Variants in DOCK10 observed in about 807,000 individuals in gnomAD.
DOCK10 encodes the protein dedicator of cytokinesis protein 10.
In DOCK10, 145 loss-of-function variants were observed where a neutral mutation model predicts 280.1. That is an observed-to-expected ratio of 0.52 (90% CI 0.45 to 0.59). The LOEUF (loss-of-function observed/expected upper bound fraction) is 0.59, where lower values mean the gene tolerates loss of function less well. DOCK10 is among the 20% of genes least tolerant of loss of function. The probability of loss-of-function intolerance (pLI) is 0.00; values close to 1 mark genes in which losing one functional copy is unlikely to be tolerated. For synonymous variants in DOCK10, 915 were observed against 942.2 expected (o/e 0.97, Z 0.53); for missense variants, 2,368 against 2,651.7 (o/e 0.89, Z 2.35).
At chr2:224,796,291 T>C in intron 44 of DOCK10, 25 bp downstream of exon 44, 1 of 1,426,032 alleles carries the variant, frequency 7.0e-7, no homozygotes, top group Non-Finnish European at 9.6e-7. Flanking sequence ...AATTCTGCAG[T>C]AAAAGCCCAC....
Position 224,765,648 on chromosome 2 carries a change from A to G in DOCK10, c.*73T>C. ...TGAAAACTTCAAATAAATTAAACCT[A>G]TCTTTCTCTTCCCCGAGATTAGCTG... On this transcript the variant is annotated 3_prime_UTR_variant, in exon 56 of 56. Transcript: ENST00000258390. 3 of 1,062,108 alleles carry G rather than the reference A, an allele frequency of 2.8e-6. No individual in the cohort carries two copies. Among genetic ancestry groups the G allele is most frequent in the Non-Finnish European group, 4.2e-6 (3 of 719,336 alleles). 65.8% of individuals were successfully genotyped at this position (1,062,108 alleles called of 1,614,324 possible).
intron 2 of DOCK10, among the ~76,000 whole-genome samples, chr2:224,930,570 T>C (rs1161848362): frequency 3.1e-5 from 3 of 95,880 alleles, no homozygotes; most frequent in African/African-American, 6.3e-5. Context: ...TGGAGGAAGG[T>C]GAAAAAAAAA....
At chr2:224,963,126 A>G (rs1001578623) in intron 1 of DOCK10, among the ~76,000 whole-genome samples, 14 of 152,086 alleles carry the variant, frequency 9.2e-5, no homozygotes, top group Admixed American at 5.2e-4. Flanking sequence ...CTAGTTTGCT[A>G]TGCTACCCAC....
intron 1 of DOCK10, among the ~76,000 whole-genome samples, chr2:224,945,030 G>A (rs1703316678): frequency 6.6e-6 from 1 of 152,102 alleles, no homozygotes; most frequent in African/African-American, 2.4e-5. Context: ...TCATTATATG[G>A]TGAGACTCTG....
At chr2:224,977,285 C>T (rs2126235318) in intron 1 of DOCK10, among the ~76,000 whole-genome samples, 1 of 152,104 alleles carries the variant, frequency 6.6e-6, no homozygotes, top group Middle Eastern at 3.4e-3. Context: ...TGAGTTGAGA[C>T]CTGTGAATCT....
intron 1 of DOCK10, among the ~76,000 whole-genome samples, chr2:225,014,838 A>T (rs1475976867): frequency 6.6e-6 from 1 of 152,092 alleles, no homozygotes; most frequent in Non-Finnish European, 1.5e-5. Context: ...ATTTCAGGGG[A>T]TCTAATTTTC....
chr2:224,856,955 A>G lies in DOCK10; in HGVS notation c.1713T>C (p.Asn571=), dbSNP rs751897473. 5.0e-6 allele frequency: 8 copies of G among 1,611,882 alleles called. No individual in the cohort carries two copies. In the East Asian group the frequency reaches 1.8e-4, roughly 36 times the overall value. Residue 571 remains asparagine (N), a synonymous_variant, in exon 15 of 56, where the codon AAT becomes AAC. Transcript: ENST00000258390. Reference sequence around the variant, plus strand: ...GTGAAAATCTTGAGTCTCTGTCCACATTTCCCTGGTTGTCCTTAAATACTG... The same window carrying G: ...GTGAAAATCTTGAGTCTCTGTCCACGTTTCCCTGGTTGTCCTTAAATACTG... The part of the protein sequence containing the change: ...VRSVFKDNQG[N]VDRDSRFSPL...
At chr2:224,943,347 GA>G (rs66619912) in intron 1 of DOCK10, among the ~76,000 whole-genome samples, 1 of 151,904 alleles carries the variant, frequency 6.6e-6, no homozygotes, top group Admixed American at 6.6e-5. Flanking sequence ...AATAGCATTT[GA>G]AAAAAACCCA....
chr2:224,864,912 G>A lies in DOCK10; in HGVS notation c.1433C>T (p.Pro478Leu), dbSNP rs1307696939. 2 of 1,613,786 alleles carry A rather than the reference G, an allele frequency of 1.2e-6. No individual in the cohort carries two copies. Among genetic ancestry groups the A allele is most frequent in the African/African-American group, 2.7e-5 (2 of 74,890 alleles). The change falls in exon 12 of 56, where the codon CCT (proline) becomes CTT (leucine). Residue 478 changes from proline (P) to leucine (L), a missense_variant. Around this residue, in one of 2 missense-constraint regions of DOCK10, gnomAD observed 1,209 missense variants for 1,250.9 expected, o/e 0.97. Transcript: ENST00000258390. ...TTCCTCTGGAAGTCCCTTGATGTGA[G>A]GTTCTTCTGATTGTCTTGGAGTGAT... is the stretch of plus-strand genomic sequence containing the variant. ...DTITPRQSEE[P>L]HIKGLPEEWL...
Position 224,794,941 on chromosome 2 carries a change from G to A in DOCK10, c.5092C>T (p.Leu1698=), listed in dbSNP as rs1233043059. Residue 1698 remains leucine, a synonymous_variant, in exon 45 of 56, where the codon CTA becomes TTA. Transcript: ENST00000258390. ...LANSYASTPE[L]RRTWLESMAK... is the part of the protein sequence containing the mutation. ...ATACTTTCCAGCCAGGTCCTGCGTAGTTCAGGAGTGCTTGCGTAGGAGTTT... is the reference window on the plus strand; with the variant it reads ...ATACTTTCCAGCCAGGTCCTGCGTAATTCAGGAGTGCTTGCGTAGGAGTTT... 12 of 1,613,784 alleles carry A rather than the reference G, an allele frequency of 7.4e-6. No homozygotes were observed. The highest frequency in any genetic ancestry group is 1.0e-5 in the Non-Finnish European group (12 of 1,179,856).
intron 50 of DOCK10, among the ~76,000 whole-genome samples, chr2:224,785,035 T>A (rs1691638417): frequency 6.6e-6 from 1 of 152,164 alleles, no homozygotes; most frequent in Non-Finnish European, 1.5e-5. Flanking sequence ...CCCTTGAAAC[T>A]CTGTTTTTCC....
At chr2:224,976,906 T>C (rs1349708273) in intron 1 of DOCK10, among the ~76,000 whole-genome samples, 3 of 152,200 alleles carry the variant, frequency 2.0e-5, no homozygotes, top group African/African-American at 4.8e-5. Flanking sequence ...AAGCACTGTA[T>C]GGCTGCAGGC....
chr2:225,033,188 A>AT (rs1379928229), intron 1 of DOCK10, among the ~76,000 whole-genome samples: 12 of 116,530 alleles, frequency 1.0e-4, no homozygotes, highest in East Asian at 5.8e-4. Context: ...ATTTGGTACT[A>AT]TTATTTTTTT....
chr2:224,813,485 C>T (rs760520870), intron 31 of DOCK10, among the ~76,000 whole-genome samples: 26 of 152,090 alleles, frequency 1.7e-4, no homozygotes, highest in Admixed American at 2.0e-4. Context: ...CATGATCCAC[C>T]GCGCCCAATT....
chr2:224,971,452 G>A (rs1705076596), intron 1 of DOCK10, among the ~76,000 whole-genome samples: 1 of 152,122 alleles, frequency 6.6e-6, no homozygotes, highest in Non-Finnish European at 1.5e-5. Flanking sequence ...AGAGGTGGGT[G>A]TGGCTGGGCT....
chr2:224,890,188 T>C (rs1699574201), intron 4 of DOCK10, among the ~76,000 whole-genome samples: 1 of 152,244 alleles, frequency 6.6e-6, no homozygotes, highest in African/African-American at 2.4e-5. Flanking sequence ...CTGTCCTCTT[T>C]GGCCAGCATG....
At chr2:224,841,758 C>T in intron 23 of DOCK10, 46 bp downstream of exon 23, 2 of 1,365,840 alleles carry the variant, frequency 1.5e-6, no homozygotes, top group South Asian at 1.2e-5. Context: ...CTCTTTTGCA[C>T]ATTTTTACCC....
chr2:225,027,020 G>C (rs1004784502), intron 1 of DOCK10, among the ~76,000 whole-genome samples: 3 of 152,170 alleles, frequency 2.0e-5, no homozygotes, highest in African/African-American at 7.2e-5. Context: ...ACAACTTATA[G>C]TCAGCTTGTC....
chr2:224,800,101 C>A, intron 41 of DOCK10, 50 bp downstream of exon 41: 1 of 1,114,788 alleles, frequency 9.0e-7, no homozygotes, highest in South Asian at 1.5e-5. Flanking sequence ...CATGGTTTTT[C>A]TACCTCATAT....
Sources: gnomAD v4.1 joint callset for allele counts (sites outside exome capture counted in the v4.1 genomes callset) on GRCh38, gnomAD v4.1.1 for gene constraint, gnomAD v4.1.1 regional missense constraint, MANE v1.5 for transcripts, NCBI Gene and HGNC (gene_info 2026-07-23, HGNC 2026-07-21) for gene names.